ROBO2: variants seen among roughly 807,000 people sequenced by gnomAD.
The protein encoded by ROBO2 is roundabout guidance receptor 2.
A neutral mutation model predicts 160.8 loss-of-function variants in ROBO2; 53 were observed. The ratio of observed to expected loss-of-function variants is 0.33; its 90% CI spans 0.26 to 0.41. The LOEUF is 0.41. Ranked by LOEUF, ROBO2 falls within the 10% of genes least tolerant of loss-of-function variation. ROBO2 has a pLI of 1.00. For missense variants in ROBO2, 1,577 were observed against 1,722.4 expected (o/e 0.92, Z 1.49); for synonymous variants, 664 against 611.7 (o/e 1.09, Z -1.26).
intron 1 of ROBO2, among the ~76,000 whole-genome samples, chr3:75,932,014 G>A (rs1317853256): frequency 6.6e-6 from 1 of 152,052 alleles, no homozygotes; most frequent in Admixed American, 6.5e-5. Context: ...GAGAAACAAA[G>A]GTTTCTCAAC....
chr3:77,176,308 A>G (rs1579658410), intron 2 of ROBO2, among the ~76,000 whole-genome samples: 1 of 152,054 alleles, frequency 6.6e-6, no homozygotes, highest in East Asian at 1.9e-4. Context: ...AATGTACAGT[A>G]ACTACTTACA....
chr3:76,337,498 C>T (rs929935840), intron 2 of ROBO2, among the ~76,000 whole-genome samples: 4 of 152,150 alleles, frequency 2.6e-5, no homozygotes, highest in Admixed American at 6.5e-5. Flanking sequence ...TATTTGGTTA[C>T]GGCTTGCTTG....
chr3:77,027,876 G>T (rs1416124814), intron 2 of ROBO2, among the ~76,000 whole-genome samples: 1 of 152,092 alleles, frequency 6.6e-6, no homozygotes, highest in Non-Finnish European at 1.5e-5. Flanking sequence ...TGTCATACAA[G>T]ACAAAAGTGA....
chr3:76,368,820 A>T (rs1028338976), intron 2 of ROBO2, among the ~76,000 whole-genome samples: 2 of 151,964 alleles, frequency 1.3e-5, no homozygotes, highest in African/African-American at 4.8e-5. Context: ...AGGAATTCCA[A>T]TTGAGACTAA....
intron 2 of ROBO2, among the ~76,000 whole-genome samples, chr3:76,895,163 A>G (rs2074670793): frequency 6.6e-6 from 1 of 151,790 alleles, no homozygotes; most frequent in Non-Finnish European, 1.5e-5. Flanking sequence ...TCTCTTGTTG[A>G]AGTATCTGGG....
intron 2 of ROBO2, among the ~76,000 whole-genome samples, chr3:76,403,004 A>T (rs886844277): frequency 6.6e-6 from 1 of 151,522 alleles, no homozygotes; most frequent in African/African-American, 2.4e-5. Context: ...AATTTTGGAG[A>T]CTCTGACAGA....
chr3:77,633,705 A>G (rs759120598), intron 23 of ROBO2: 10 of 152,236 alleles, frequency 6.6e-5, no homozygotes, highest in Non-Finnish European at 1.5e-4. Flanking sequence ...TGAAATAAAA[A>G]AGATCTTCTA....
chr3:76,934,958 A>ATTTTTTTT lies in ROBO2; in HGVS notation c.110-163056_110-163055insTTTTTTTT, dbSNP rs151316771. ...TTTTGAAATAATTTCAGGCTTCACA[A>ATTTTTTTT]ATTTTTTTTTTTTTAGACCATCTCA... On this transcript the variant is annotated intron_variant, in intron 2 of 26. Coordinates refer to the ROBO2 transcript ENST00000487694. Among the ~76,000 whole-genome samples the ATTTTTTTT allele has an allele frequency of 1.9e-3, 281 of 146,750 alleles. 25 individuals are homozygous for ATTTTTTTT. The highest frequency in any genetic ancestry group is 2.7e-3 in the African/African-American group (106 of 39,558).
chr3:77,366,725 G>C (rs549595119), intron 2 of ROBO2, among the ~76,000 whole-genome samples: 2 of 152,108 alleles, frequency 1.3e-5, no homozygotes, highest in African/African-American at 4.8e-5. Context: ...GAAGGCAATG[G>C]GGAACCAGTG....
chr3:76,857,142 C>T (rs933150651), intron 2 of ROBO2, among the ~76,000 whole-genome samples: 4 of 152,032 alleles, frequency 2.6e-5, no homozygotes, highest in Admixed American at 6.6e-5. Context: ...CCCGCCACCA[C>T]GCCCGGATAA....
intron 22 of ROBO2, among the ~76,000 whole-genome samples, chr3:77,619,481 T>C (rs768816124): frequency 1.3e-5 from 2 of 152,116 alleles, no homozygotes; most frequent in African/African-American, 2.4e-5. Context: ...ATTCCAAAAG[T>C]AGAGCTTCCA....
Position 77,613,219 on chromosome 3 carries a change from AT to A in ROBO2, c.3294-4280del, listed in dbSNP as rs576872166. Among the ~76,000 whole-genome samples the A allele has an allele frequency of 8.6e-3, 1,250 of 145,692 alleles. 7 individuals carry two copies. Among genetic ancestry groups the A allele is most frequent in the African/African-American group, 0.013 (534 of 40,110 alleles). On this transcript the variant is annotated intron_variant, in intron 21 of 25. Transcript: ENST00000461745. ...ATTTCTTCTAATATATTCTCTATGA[AT>A]TTTTTTTTTTTTTAAATTTCATGTG...
chr3:77,565,202 T>C (rs2153663829), intron 12 of ROBO2, 82 bp downstream of exon 13: 10 of 1,453,808 alleles, frequency 6.9e-6, no homozygotes, highest in South Asian at 6.8e-5. Flanking sequence ...TGAGGAAATA[T>C]ACATGTGCCT....
intron 2 of ROBO2, among the ~76,000 whole-genome samples, chr3:76,021,579 T>C (rs2066575574): frequency 6.6e-6 from 1 of 151,808 alleles, no homozygotes; most frequent in African/African-American, 2.4e-5. Flanking sequence ...AAGCAAACAT[T>C]GCAATAAAGT....
chr3:77,580,051 G>C lies in ROBO2; in HGVS notation c.2433G>C (p.Arg811=), dbSNP rs763136248. Reference sequence around the variant, plus strand: ...GATTATTCCCAGGTATTCAATACCGGGTAGAGGTTGCAGCTAGTACCAGTG... The same window carrying C: ...GATTATTCCCAGGTATTCAATACCGCGTAGAGGTTGCAGCTAGTACCAGTG... Residue 811 remains arginine, a synonymous_variant, in exon 16 of 26, where the codon CGG becomes CGC. Coordinates refer to ENST00000461745, the Ensembl canonical transcript of ROBO2. 2.5e-5 allele frequency: 41 copies of C among 1,613,874 alleles called. No homozygotes were observed. The highest frequency in any genetic ancestry group is 3.3e-5 in the Non-Finnish European group (39 of 1,179,836).
chr3:77,376,007 A>C (rs548751790), intron 2 of ROBO2, among the ~76,000 whole-genome samples: 1 of 152,110 alleles, frequency 6.6e-6, no homozygotes, highest in African/African-American at 2.4e-5. Context: ...TTGAGTTTCT[A>C]TGGCTCTTTG....
rs1446474723 is a variant in ROBO2 at position 76,433,831 on chromosome 3, C to T, written c.109+496229C>T. 2.6e-5 allele frequency among the ~76,000 whole-genome samples: 4 copies of T among 152,148 alleles called. No homozygotes were observed. The East Asian group carries it at 7.7e-4, about 29-fold the overall frequency. ...TTTAAGGTTTTAGAAATCCTTAAAC[C>T]TTAAAGACATAATTGCTACTTTAGA... On this transcript the variant is annotated intron_variant, in intron 2 of 26. Transcript: ENST00000487694.
At chr3:76,858,027 T>G (rs1314222943) in intron 2 of ROBO2, among the ~76,000 whole-genome samples, 2 of 152,202 alleles carry the variant, frequency 1.3e-5, no homozygotes, top group African/African-American at 2.4e-5. Flanking sequence ...ATTCTTCCAC[T>G]TCTTTTGGAA....
chr3:76,425,962 A>G (rs2076206220), intron 2 of ROBO2, among the ~76,000 whole-genome samples: 1 of 152,178 alleles, frequency 6.6e-6, no homozygotes, highest in East Asian at 1.9e-4. Context: ...GGAAAAATTA[A>G]AACACTTATT....
Sources: gnomAD v4.1 joint callset for allele counts (sites outside exome capture counted in the v4.1 genomes callset) on GRCh38, gnomAD v4.1.1 for gene constraint, MANE v1.5 for transcripts, NCBI Gene and HGNC (gene_info 2026-07-23, HGNC 2026-07-21) for gene names.